PTPRN2: variants seen among roughly 807,000 people sequenced by gnomAD.
PTPRN2 encodes receptor-type tyrosine-protein phosphatase N2.
In PTPRN2, 74 loss-of-function variants were observed where a neutral mutation model predicts 118.8. That is an observed-to-expected ratio of 0.62 (90% confidence interval 0.52 to 0.76). PTPRN2 has a LOEUF of 0.76. PTPRN2 is among the 30% of genes least tolerant of loss of function. The pLI is 0.00. For missense variants in PTPRN2, 1,481 were observed against 1,394.4 expected (o/e 1.06, Z -0.99); for synonymous variants, 641 against 608.0 (o/e 1.05, Z -0.80).
intron 1 of PTPRN2, among the ~76,000 whole-genome samples, chr7:158,569,477 G>T (rs1243172737): frequency 2.0e-5 from 3 of 152,276 alleles, no homozygotes; most frequent in African/African-American, 7.2e-5. Flanking sequence ...AGGAAGGCTA[G>T]GAGCTCGCGC....
chr7:157,905,882 C>T (rs902340324), intron 11 of PTPRN2, among the ~76,000 whole-genome samples: 4 of 152,154 alleles, frequency 2.6e-5, no homozygotes, highest in African/African-American at 9.7e-5. Context: ...GAAGGATCCT[C>T]CTCCCTTATG....
chr7:157,932,516 T>G (rs1799421089), intron 11 of PTPRN2, among the ~76,000 whole-genome samples: 1 of 152,144 alleles, frequency 6.6e-6, no homozygotes, highest in Non-Finnish European at 1.5e-5. Context: ...TCACTTGAAT[T>G]GACAGTTTTA....
At chr7:158,236,566 C>T (rs933081042) in intron 3 of PTPRN2, among the ~76,000 whole-genome samples, 7 of 152,126 alleles carry the variant, frequency 4.6e-5, no homozygotes, top group Admixed American at 3.3e-4. Flanking sequence ...CAGCTGTGAG[C>T]CTCGAGATGC....
chr7:157,718,665 C>T (rs113734321), intron 12 of PTPRN2, among the ~76,000 whole-genome samples: 361 of 124,972 alleles, frequency 2.9e-3, no homozygotes, highest in Non-Finnish European at 3.6e-3. Flanking sequence ...TCCAGGCATC[C>T]GCGGTGACAC....
chr7:158,258,629 G>A (rs1797185224), intron 3 of PTPRN2, among the ~76,000 whole-genome samples: 1 of 152,208 alleles, frequency 6.6e-6, no homozygotes. Flanking sequence ...AGCTTTGGGG[G>A]AGATTTCAGA....
intron 11 of PTPRN2, among the ~76,000 whole-genome samples, chr7:158,019,137 C>A (rs1806676417): frequency 6.6e-6 from 1 of 152,236 alleles, no homozygotes; most frequent in Non-Finnish European, 1.5e-5. Flanking sequence ...GCAGCCGGAC[C>A]ACCGAAGGGC....
chr7:158,289,103 CTT>C (rs533608042), intron 3 of PTPRN2, among the ~76,000 whole-genome samples: 315 of 149,242 alleles, frequency 2.1e-3, no homozygotes, highest in African/African-American at 7.7e-3. Context: ...TTAAGATCCT[CTT>C]TGTCTTTGAT....
chr7:158,203,225 C>CAAAAAAAAA (rs56016358), intron 4 of PTPRN2, among the ~76,000 whole-genome samples: 5 of 50,340 alleles, frequency 9.9e-5, no homozygotes, highest in African/African-American at 2.6e-4. Flanking sequence ...AAGCAAGAGC[C>CAAAAAAAAA]AAAAAAAAAA....
intron 14 of PTPRN2, among the ~76,000 whole-genome samples, 161 bp from the exon 15 acceptor site, chr7:157,621,670 A>G (rs753520060): frequency 3.3e-5 from 5 of 152,274 alleles, no homozygotes; most frequent in Non-Finnish European, 7.3e-5. Flanking sequence ...TGCACAATGC[A>G]TATCATACCA....
At chr7:158,171,308 C>CATAT (rs71198580) in intron 5 of PTPRN2, among the ~76,000 whole-genome samples, 794 of 48,498 alleles carry the variant, frequency 0.016, 20 homozygotes, top group East Asian at 0.03. Flanking sequence ...TATATACACA[C>CATAT]ATATATATAT....
rs542237837 is a variant in PTPRN2 at position 157,619,219 on chromosome 7, G to T, written c.2344+2143C>A. Among the ~76,000 whole-genome samples, 1 of 152,250 alleles carries T rather than the reference G, an allele frequency of 6.6e-6. No individual in the cohort carries two copies. Among genetic ancestry groups the T allele is most frequent in the Admixed American group, 6.5e-5 (1 of 15,290 alleles). ...GGCAGGTCGTTTCTGCCACGCTCCG[G>T]GCTGTCTTTGGGGAGGGCGTGCTGT... On this transcript the variant is annotated intron_variant, in intron 15 of 22. Coordinates refer to ENST00000389418, the MANE Select transcript of PTPRN2 (RefSeq NM_002847.5). This position sits in a 1 kb window ranked among gnomAD's most constrained non-coding sequence, Gnocchi z 5.3.
chr7:157,562,686 A>C (rs1799251260), intron 21 of PTPRN2, among the ~76,000 whole-genome samples: 1 of 150,904 alleles, frequency 6.6e-6, no homozygotes, highest in African/African-American at 2.4e-5. Context: ...GCGTCACCAC[A>C]CACAGCAGAT....
At chr7:157,851,016 C>G (rs944858855) in intron 12 of PTPRN2, among the ~76,000 whole-genome samples, 1 of 152,160 alleles carries the variant, frequency 6.6e-6, no homozygotes, top group African/African-American at 2.4e-5. Flanking sequence ...GGCGGGCTGT[C>G]GAACAAAAGG....
At chr7:157,751,655 G>A (rs1291841951) in intron 12 of PTPRN2, among the ~76,000 whole-genome samples, 1 of 152,028 alleles carries the variant, frequency 6.6e-6, no homozygotes, top group African/African-American at 2.4e-5. Context: ...CTGTTTAATT[G>A]AGGTTACTCT....
intron 13 of PTPRN2, among the ~76,000 whole-genome samples, chr7:157,670,979 T>C (rs536593082): frequency 6.6e-6 from 1 of 152,140 alleles, no homozygotes; most frequent in African/African-American, 2.4e-5. Flanking sequence ...CTGATTTTCA[T>C]GTGCCATCCC....
rs1004028486 is a variant in PTPRN2, at chr7:157,720,340, A to G, written c.1789-37403T>C. 3.3e-5 allele frequency among the ~76,000 whole-genome samples: 5 copies of G among 152,188 alleles called. No homozygotes were observed. In the East Asian group the frequency reaches 5.8e-4, roughly 18 times the overall value. On this transcript the variant is annotated intron_variant, in intron 12 of 22. Coordinates refer to ENST00000389418, the MANE Select transcript of PTPRN2 (RefSeq NM_002847.5). Reference sequence around the variant, plus strand: ...TCGGCTGCCGCAATCGGTCATTCCAATGTCCGACCTCTGGGGCCCTCAGAC... The same window carrying G: ...TCGGCTGCCGCAATCGGTCATTCCAGTGTCCGACCTCTGGGGCCCTCAGAC...
chr7:157,667,980 C>T (rs978658785), intron 13 of PTPRN2, among the ~76,000 whole-genome samples: 4 of 152,242 alleles, frequency 2.6e-5, no homozygotes, highest in Non-Finnish European at 4.4e-5. Context: ...GACAGTGCTG[C>T]ACCCAGAGCC....
rs1563549320 is a variant in PTPRN2, at chr7:158,167,294, GAAGGA to G, written c.550-8_550-4del. ...CTCTCGGAGAAGCGGTCATCACCCT[GAAGGA>G]AAGGAGAGCAAAACAGAGCAAGAGT... is the stretch of plus-strand genomic sequence containing the variant. On this transcript the variant is annotated splice_polypyrimidine_tract_variant and splice_region_variant and intron_variant, in intron 5 of 22. Transcript: ENST00000389418. 6.3e-7 allele frequency: 1 copy of G among 1,586,926 alleles called. No individual in the cohort carries two copies. The highest frequency in any genetic ancestry group is 8.6e-7 in the Non-Finnish European group (1 of 1,166,100).
intron 6 of PTPRN2, among the ~76,000 whole-genome samples, chr7:158,164,449 G>A (rs1200626201): frequency 7.6e-6 from 1 of 132,380 alleles, no homozygotes; most frequent in East Asian, 2.4e-4. Context: ...TGCGTAGGAA[G>A]GACACGCAGA....
Sources: allele counts gnomAD v4.1 joint callset (sites outside exome capture counted in the v4.1 genomes callset), GRCh38; gene constraint gnomAD v4.1.1; non-coding constraint Gnocchi (gnomAD v3.1); transcripts MANE v1.5; gene names NCBI Gene and HGNC (gene_info 2026-07-23, HGNC 2026-07-21).